The following PIK3C3 variants were observed in gnomAD, a reference collection of about 807,000 sequenced individuals.
The protein encoded by PIK3C3 is phosphatidylinositol 3-kinase catalytic subunit type 3.
Under a neutral mutation model 126.1 loss-of-function variants are expected in PIK3C3, and 95 were observed. That is an observed-to-expected ratio of 0.75 (90% CI 0.64 to 0.89). The LOEUF is 0.89. PIK3C3 is among the 40% of genes least tolerant of loss of function. The pLI, the probability that PIK3C3 is intolerant of heterozygous loss-of-function variation, is 0.00. For synonymous variants in PIK3C3, 374 were observed against 360.0 expected, an observed-to-expected ratio of 1.04 and a Z score of -0.44; for missense variants, 829 against 1,063.2, an observed-to-expected ratio of 0.78 and a Z score of 3.06.
intron 12 of PIK3C3, among the ~76,000 whole-genome samples, chr18:42,019,655 T>C (rs965956296): frequency 1.1e-4 from 16 of 152,146 alleles, no homozygotes; most frequent in African/African-American, 3.9e-4. Flanking sequence ...TAGTCTCACT[T>C]GATACTCTTG....
chr18:42,040,789 T>C (rs759077624), intron 19 of PIK3C3, 48 bp downstream of exon 19: 1 of 1,241,162 alleles, frequency 8.1e-7, no homozygotes, highest in South Asian at 1.3e-5. Context: ...ATTCTTGTCA[T>C]AAAAAATTCA....
intron 16 of PIK3C3, among the ~76,000 whole-genome samples, chr18:42,036,635 AT>A (rs139934356): frequency 9.4e-5 from 14 of 148,524 alleles, no homozygotes; most frequent in South Asian, 2.1e-4. Context: ...TAATTTCTTT[AT>A]TTTTTTTTTG....
chr18:42,041,673 ATGT>A (rs1406669256), intron 19 of PIK3C3, among the ~76,000 whole-genome samples: 1 of 151,390 alleles, frequency 6.6e-6, no homozygotes, highest in Non-Finnish European at 1.5e-5. Flanking sequence ...TTGGTAGATG[ATGT>A]TTGATACAGT....
chr18:41,973,720 G>A (rs576687030), intron 4 of PIK3C3, among the ~76,000 whole-genome samples: 20 of 152,004 alleles, frequency 1.3e-4, no homozygotes, highest in African/African-American at 4.6e-4. Context: ...AATTGTATTA[G>A]GTATAATAAA....
At position 41,988,318 on chromosome 18, in the gene PIK3C3, A is replaced by G. The variant is rs551402737; in HGVS notation, c.618+420A>G. 2.6e-3 allele frequency among the ~76,000 whole-genome samples: 401 copies of G among 152,302 alleles called. 2 individuals carry two copies. The highest frequency in any genetic ancestry group is 4.1e-3 in the Non-Finnish European group (282 of 68,026). ...TTTATTACTTGTCTATGTACTACAT[A>G]TAGGACTCCGCACCCTCTATAAAGT... On this transcript the variant is annotated intron_variant, in intron 5 of 24. Transcript: ENST00000262039.
At chr18:42,036,683 C>T (rs1207519915) in intron 16 of PIK3C3, among the ~76,000 whole-genome samples, 1 of 151,574 alleles carries the variant, frequency 6.6e-6, no homozygotes, top group Admixed American at 6.6e-5. Context: ...TTTAGACCTT[C>T]ATATAATTAA....
At chr18:41,955,461 A>C in intron 1 of PIK3C3, 102 bp downstream of exon 1, 16 of 1,007,174 alleles carry the variant, frequency 1.6e-5, no homozygotes, top group Middle Eastern at 6.2e-4. Context: ...GACTCGTCTC[A>C]AGGCCCAGAT....
intron 4 of PIK3C3, among the ~76,000 whole-genome samples, chr18:41,987,012 C>A (rs1248837377): frequency 2.0e-5 from 3 of 151,944 alleles, no homozygotes; most frequent in Non-Finnish European, 4.4e-5. Context: ...GGAAAGCTGT[C>A]ATGATATGGA....
At chr18:41,996,207 C>T (rs373069454) in intron 8 of PIK3C3, among the ~76,000 whole-genome samples, 1 of 152,156 alleles carries the variant, frequency 6.6e-6, no homozygotes, top group East Asian at 1.9e-4. Flanking sequence ...ACTGCATATA[C>T]TGTATACTTT....
intron 21 of PIK3C3, among the ~76,000 whole-genome samples, chr18:42,054,140 A>C (rs867931105): frequency 0.22 from 3,720 of 16,570 alleles, 446 homozygotes; most frequent in South Asian, 0.38. Flanking sequence ...ATATATATAT[A>C]TATATATATA....
intron 21 of PIK3C3, chr18:42,051,063 A>G (rs1169871561): frequency 6.6e-6 from 1 of 152,252 alleles, no homozygotes; most frequent in East Asian, 1.9e-4. Context: ...GTTTAATTCA[A>G]CAACTATTTA....
intron 10 of PIK3C3, among the ~76,000 whole-genome samples, chr18:42,005,192 T>G (rs1410838156): frequency 1.3e-5 from 2 of 152,200 alleles, no homozygotes; most frequent in Non-Finnish European, 2.9e-5. Flanking sequence ...TCATGGAGTA[T>G]ACTTACCCAA....
At chr18:42,027,211 G>C (rs1372513483) in intron 13 of PIK3C3, 1 of 231,752 alleles carries the variant, frequency 4.3e-6, no homozygotes, top group African/African-American at 2.3e-5. Context: ...GAAAATTTGG[G>C]ATATTACACA....
At chr18:42,034,847 C>T (rs186431726) in intron 16 of PIK3C3, among the ~76,000 whole-genome samples, 56 of 152,174 alleles carry the variant, frequency 3.7e-4, no homozygotes, top group Admixed American at 1.3e-3. Flanking sequence ...TGTATATACA[C>T]GGGTGTAATT....
rs949345939 is a variant in PIK3C3, at chr18:42,086,218, T to C, written c.*5081T>C. On this transcript the variant is annotated 3_prime_UTR_variant, in exon 25 of 25. Coordinates refer to ENST00000262039, the MANE Select transcript of PIK3C3 (RefSeq NM_002647.4). ...TTGTGACTGTCAGGACTAATCCTTA[T>C]ATCATTTATCTTATGTCCTTTACCT... 7 of 152,224 alleles carry C rather than the reference T, an allele frequency of 4.6e-5. No individual in the cohort carries two copies. Among genetic ancestry groups the C allele is most frequent in the Non-Finnish European group, 1.0e-4 (7 of 68,060 alleles). The allele number at this position is 152,224 out of a possible 1,614,324, so 9.4% of individuals were successfully genotyped here. A position where few individuals can be genotyped will look rare whatever the true frequency, so the allele number is the denominator to read the frequency against.
In PIK3C3 at chr18:42,029,326, G is replaced by T. The variant is rs1485477060; in HGVS notation, c.1592G>T (p.Gly531Val). ...MRRFSQALLK[G>V]DKSVRVMRSL... is the part of the protein sequence containing the mutation. ...TTTTTCTCACTTTGAACCCTTCAGG[G>T]TGATAAGTCTGTCAGAGTTATGCGT... Residue 531 changes from glycine (G) to valine (V), a missense_variant and splice_region_variant, in exon 15 of 25, where the codon GGT becomes GTT. Around this residue, in one of 4 missense-constraint regions of PIK3C3, gnomAD observed 256 missense variants for 291.0 expected, o/e 0.88. Coordinates refer to ENST00000262039, the MANE Select transcript of PIK3C3 (RefSeq NM_002647.4). 1.2e-6 allele frequency: 2 copies of T among 1,607,020 alleles called. No homozygotes were observed. The highest frequency in any genetic ancestry group is 1.3e-5 in the African/African-American group (1 of 74,912).
At chr18:42,071,436 T>A (rs978699749) in intron 24 of PIK3C3, among the ~76,000 whole-genome samples, 3 of 152,166 alleles carry the variant, frequency 2.0e-5, no homozygotes, top group Non-Finnish European at 4.4e-5. Context: ...AAAGTTGTTT[T>A]CAGCCTGGCT....
At chr18:41,955,546 G>T in intron 1 of PIK3C3, 187 bp downstream of exon 1, 1 of 539,048 alleles carries the variant, frequency 1.9e-6, no homozygotes, top group South Asian at 2.3e-5. Context: ...TTTGGAAAAG[G>T]ATTTAATACG....
At chr18:41,965,493 A>T (rs1193440971) in intron 3 of PIK3C3, among the ~76,000 whole-genome samples, 2 of 152,190 alleles carry the variant, frequency 1.3e-5, no homozygotes, top group Non-Finnish European at 2.9e-5. Context: ...AGTAATAATC[A>T]ACCTGTGTTT....
Sources: allele counts gnomAD v4.1 joint callset (sites outside exome capture counted in the v4.1 genomes callset), GRCh38; gene constraint gnomAD v4.1.1; regional missense constraint gnomAD v4.1.1; transcripts MANE v1.5; gene names NCBI Gene and HGNC (gene_info 2026-07-23, HGNC 2026-07-21).